SLC35F4: variants seen among roughly 807,000 people sequenced by gnomAD.
SLC35F4 encodes chromosome 14 open reading frame 36.
SLC35F4 carries 24 observed loss-of-function variants against 44.2 expected under a neutral mutation model. The observed-to-expected ratio is 0.54, with a 90% CI of 0.39 to 0.76. The LOEUF (loss-of-function observed/expected upper bound fraction) is 0.76, where lower values mean the gene tolerates loss of function less well. SLC35F4 is among the 30% of genes least tolerant of loss of function. The probability of loss-of-function intolerance (pLI) is 0.00; values close to 1 mark genes in which losing one functional copy is unlikely to be tolerated. For synonymous variants in SLC35F4, 238 were observed against 223.6 expected, an observed-to-expected ratio of 1.06 and a Z score of -0.57; for missense variants, 562 against 586.1, an observed-to-expected ratio of 0.96 and a Z score of 0.42.
At chr14:57,683,802 A>G (rs1819825276) in intron 1 of SLC35F4, among the ~76,000 whole-genome samples, 1 of 152,210 alleles carries the variant, frequency 6.6e-6, no homozygotes, top group African/African-American at 2.4e-5. Flanking sequence ...CAGGACTTCC[A>G]GTAGGAAAGG....
chr14:57,613,987 A>T (rs1398976824), intron 1 of SLC35F4, among the ~76,000 whole-genome samples: 1 of 152,232 alleles, frequency 6.6e-6, no homozygotes, highest in African/African-American at 2.4e-5. Flanking sequence ...GGCTCTCAAA[A>T]AATATTTACT....
intron 1 of SLC35F4, among the ~76,000 whole-genome samples, chr14:57,944,306 C>T (rs778492416): frequency 7.4e-4 from 113 of 152,146 alleles, no homozygotes; most frequent in African/African-American, 2.7e-3. Flanking sequence ...AGTGACCTTT[C>T]GCATACAAAT....
chr14:57,866,667 G>T (rs1046387415), upstream of SLC35F4, among the ~76,000 whole-genome samples: 1 of 152,130 alleles, frequency 6.6e-6, no homozygotes, highest in Non-Finnish European at 1.5e-5. Context: ...CACACAGCAC[G>T]TTTATTTTTC....
intron 1 of SLC35F4, among the ~76,000 whole-genome samples, chr14:57,658,710 A>G (rs2074044319): frequency 6.6e-6 from 1 of 152,218 alleles, no homozygotes; most frequent in Admixed American, 6.5e-5. Context: ...AAATGCTGAA[A>G]ATCATGACTC....
At chr14:57,929,975 T>C (rs774717899) in intron 1 of SLC35F4, among the ~76,000 whole-genome samples, 4 of 152,142 alleles carry the variant, frequency 2.6e-5, no homozygotes, top group Non-Finnish European at 5.9e-5. Flanking sequence ...CTACTTTTCT[T>C]AGACTTTTCA....
intron 1 of SLC35F4, among the ~76,000 whole-genome samples, chr14:57,617,006 G>A (rs193106896): frequency 6.6e-6 from 1 of 152,150 alleles, no homozygotes; most frequent in Admixed American, 6.5e-5. Context: ...TGCAAAAACA[G>A]CGTGAATGTT....
chr14:57,944,448 C>G (rs959856103), intron 1 of SLC35F4, among the ~76,000 whole-genome samples: 1 of 152,008 alleles, frequency 6.6e-6, no homozygotes, highest in Admixed American at 6.6e-5. Flanking sequence ...GAGCATTTAC[C>G]GCTTTCCCAC....
At chr14:57,658,220 T>C (rs943565916) in intron 1 of SLC35F4, among the ~76,000 whole-genome samples, 2 of 152,200 alleles carry the variant, frequency 1.3e-5, no homozygotes, top group African/African-American at 4.8e-5. Context: ...TGAAAGACTC[T>C]ATAAACAGAA....
intron 1 of SLC35F4, among the ~76,000 whole-genome samples, chr14:57,792,407 G>A (rs1321165014): frequency 6.6e-6 from 1 of 152,120 alleles, no homozygotes; most frequent in African/African-American, 2.4e-5. Context: ...TCCCACTACT[G>A]GGTATCTACC....
chr14:57,657,838 A>G (rs2074015531), intron 1 of SLC35F4, among the ~76,000 whole-genome samples: 1 of 152,236 alleles, frequency 6.6e-6, no homozygotes, highest in Non-Finnish European at 1.5e-5. Context: ...AGGTGCCTAA[A>G]GAGAAAGATT....
At chr14:57,926,777 G>A (rs1443653570) in intron 1 of SLC35F4, among the ~76,000 whole-genome samples, 2 of 151,980 alleles carry the variant, frequency 1.3e-5, no homozygotes, top group Non-Finnish European at 2.9e-5. Context: ...GCCTTAGAGA[G>A]GGGATGAAAA....
At chr14:57,834,147 G>A (rs1884669625) in intron 1 of SLC35F4, among the ~76,000 whole-genome samples, 3 of 152,174 alleles carry the variant, frequency 2.0e-5, no homozygotes, top group Admixed American at 1.3e-4. Flanking sequence ...CAGAGAACAA[G>A]TCATGAAGCA....
At chr14:57,602,867 C>A (rs1310586836) in intron 1 of SLC35F4, among the ~76,000 whole-genome samples, 2 of 152,172 alleles carry the variant, frequency 1.3e-5, no homozygotes, top group African/African-American at 4.8e-5. Flanking sequence ...TATCTCCCTC[C>A]AGCATCAAGC....
At chr14:57,833,252 T>C (rs147693692) in intron 1 of SLC35F4, among the ~76,000 whole-genome samples, 250 of 152,328 alleles carry the variant, frequency 1.6e-3, no homozygotes, top group Non-Finnish European at 3.2e-3. Flanking sequence ...TGAGATTACC[T>C]TAACCCTATC....
chr14:57,675,849 C>A (rs988266987), intron 1 of SLC35F4, among the ~76,000 whole-genome samples: 2 of 151,938 alleles, frequency 1.3e-5, no homozygotes, highest in Non-Finnish European at 2.9e-5. Flanking sequence ...TAAATCAAGA[C>A]CTGAAACCAT....
intron 7 of SLC35F4, 27 bp downstream of exon 7, chr14:57,566,448 T>C (rs1276650621): frequency 6.4e-7 from 1 of 1,564,592 alleles, no homozygotes; most frequent in Non-Finnish European, 8.7e-7. Flanking sequence ...GTGGCCAGGA[T>C]CTGCACATGT....
chr14:57,754,273 T>C (rs1183988866), intron 1 of SLC35F4, among the ~76,000 whole-genome samples: 1 of 152,014 alleles, frequency 6.6e-6, no homozygotes, highest in Non-Finnish European at 1.5e-5. Flanking sequence ...TAGCTGATTT[T>C]TTTGTATTTT....
intron 1 of SLC35F4, among the ~76,000 whole-genome samples, chr14:57,636,405 C>G (rs892356908): frequency 6.6e-6 from 1 of 152,082 alleles, no homozygotes; most frequent in African/African-American, 2.4e-5. Flanking sequence ...TTGCAGCACA[C>G]TTGTAGACTG....
At chr14:57,829,862 G>A (rs1670227929) in intron 1 of SLC35F4, among the ~76,000 whole-genome samples, 1 of 152,144 alleles carries the variant, frequency 6.6e-6, no homozygotes. Context: ...CTCCAGATAG[G>A]GGAGTTGAAT....
Sources: allele counts gnomAD v4.1 joint callset (sites outside exome capture counted in the v4.1 genomes callset), GRCh38; gene constraint gnomAD v4.1.1; transcripts MANE v1.5; gene names NCBI Gene and HGNC (gene_info 2026-07-23, HGNC 2026-07-21).